GABRA3: variants seen among roughly 807,000 people sequenced by gnomAD.
The protein encoded by GABRA3 is gamma-aminobutyric acid type A receptor subunit alpha3, also known as gamma-aminobutyric acid receptor subunit alpha-3.
A neutral mutation model predicts 30.1 loss-of-function variants in GABRA3; 10 were observed. That is an observed-to-expected ratio of 0.33 (90% confidence interval 0.20 to 0.56). The LOEUF is 0.56. GABRA3 is among the 20% of genes least tolerant of loss of function. GABRA3 has a pLI of 0.89. For missense variants in GABRA3, 233 were observed against 392.0 expected (o/e 0.59, Z 3.42); for synonymous variants, 151 against 146.8 (o/e 1.03, Z -0.21).
chrX:152,294,379 T>C (rs1347933035), intron 3 of GABRA3, among the ~76,000 whole-genome samples: 2 of 111,303 alleles, frequency 1.8e-5, no homozygotes, highest in African/African-American at 6.5e-5. Context: ...ATTAATTTGA[T>C]CTTCAATCAC....
Position 152,189,842 on chromosome X carries a change from A to T in GABRA3, c.1031T>A (p.Val344Asp). The change falls in exon 9 of 10, where the codon GTC becomes GAC. Residue 344 changes from valine to aspartate, a missense_variant. Transcript: ENST00000370314. Reference protein sequence around the residue: ...YATAMDWFIAVCYAFVFSALI... With the variant: ...YATAMDWFIADCYAFVFSALI... ...TGCAGAAAATACAAAGGCATAACAG[A>T]CGGCTATGAACCAGTCCATGGCCGT... The T allele has an allele frequency of 8.3e-7, 1 of 1,207,954 alleles. No individual in the cohort carries two copies. The highest frequency in any genetic ancestry group is 1.1e-6 in the Non-Finnish European group (1 of 892,828).
intron 3 of GABRA3, among the ~76,000 whole-genome samples, chrX:152,299,868 G>T (rs1011120283): frequency 3.6e-5 from 4 of 111,652 alleles, no homozygotes; most frequent in African/African-American, 1.3e-4. Flanking sequence ...TCTTTTACAG[G>T]TTTGCTCCAA....
intron 5 of GABRA3, among the ~76,000 whole-genome samples, chrX:152,253,920 C>T (rs1938596039): frequency 9.0e-6 from 1 of 111,602 alleles, no homozygotes; most frequent in African/African-American, 3.2e-5. Context: ...CTAGCTGTTG[C>T]CTTATCCAGG....
At chrX:152,254,135 T>A (rs936205266) in intron 5 of GABRA3, among the ~76,000 whole-genome samples, 4 of 111,814 alleles carry the variant, frequency 3.6e-5, no homozygotes, top group Non-Finnish European at 7.5e-5. Context: ...TAGGGTCATG[T>A]ATATATTAGG....
At chrX:152,276,056 T>C (rs1446440164) in intron 4 of GABRA3, among the ~76,000 whole-genome samples, 15 of 110,463 alleles carry the variant, frequency 1.4e-4, no homozygotes, top group Admixed American at 2.9e-4. Context: ...ATTCATGCAA[T>C]CATCTTAATA....
At chrX:152,178,327 C>G (rs931792912) in intron 9 of GABRA3, among the ~76,000 whole-genome samples, 10 of 110,571 alleles carry the variant, frequency 9.0e-5, no homozygotes, top group African/African-American at 2.3e-4. Flanking sequence ...CTTATACCTA[C>G]TGCAGAGCAA....
In GABRA3 at chrX:152,166,618, G is replaced by A. The variant is rs1391204187; in HGVS notation, c.*1610C>T. On this transcript the variant is annotated 3_prime_UTR_variant, in exon 10 of 10. Coordinates refer to ENST00000370314, the MANE Select transcript of GABRA3 (RefSeq NM_000808.4). ...TCTGTGGCTTTACCCTGGGCTTCTA[G>A]GATACTCTGGACTAGTGCAGGTATT... 1 of 111,067 alleles carries A rather than the reference G, an allele frequency of 9.0e-6. No homozygotes were observed. The highest frequency in any genetic ancestry group is 1.9e-5 in the Non-Finnish European group (1 of 53,043). The allele number at this position is 111,067 out of a possible 1,213,427, so 9.2% of individuals were successfully genotyped here. A position where few individuals can be genotyped will look rare whatever the true frequency, so the allele number is the denominator to read the frequency against.
intron 6 of GABRA3, among the ~76,000 whole-genome samples, chrX:152,212,148 G>A (rs1364979448): frequency 9.4e-6 from 1 of 106,766 alleles, no homozygotes; most frequent in Admixed American, 1.0e-4. Flanking sequence ...GCTGGGCATG[G>A]TGGCACATGC....
At chrX:152,174,360 C>T (rs1372073167) in intron 9 of GABRA3, among the ~76,000 whole-genome samples, 6 of 111,822 alleles carry the variant, frequency 5.4e-5, no homozygotes, top group Non-Finnish European at 7.5e-5. Flanking sequence ...CCTGAGGAAT[C>T]GCCACACTGA....
At chrX:152,415,254 G>C (rs1399632130) in intron 1 of GABRA3, among the ~76,000 whole-genome samples, 1 of 111,416 alleles carries the variant, frequency 9.0e-6, no homozygotes, top group Non-Finnish European at 1.9e-5. Context: ...CTCAGAGGGA[G>C]AGGAAGAAAA....
chrX:152,225,142 A>G (rs1001901913), intron 5 of GABRA3, among the ~76,000 whole-genome samples: 4 of 109,692 alleles, frequency 3.6e-5, no homozygotes, highest in Non-Finnish European at 7.6e-5. Flanking sequence ...CCCCCCCAAG[A>G]AGCCTGGAAA....
At chrX:152,232,506 C>T (rs958088260) in intron 5 of GABRA3, among the ~76,000 whole-genome samples, 8 of 109,965 alleles carry the variant, frequency 7.3e-5, no homozygotes, top group African/African-American at 2.6e-4. Context: ...TAAACGATAA[C>T]ATGCAGTATT....
intron 4 of GABRA3, among the ~76,000 whole-genome samples, chrX:152,276,118 C>A (rs1033158021): frequency 4.5e-5 from 5 of 110,853 alleles, no homozygotes; most frequent in African/African-American, 1.6e-4. Context: ...ATTAAACACA[C>A]ACACACACAC....
chrX:152,403,385 A>C (rs774925709), intron 1 of GABRA3, among the ~76,000 whole-genome samples: 12 of 102,711 alleles, frequency 1.2e-4, no homozygotes, highest in Admixed American at 8.6e-4. Flanking sequence ...ACTTAGAAAT[A>C]TATATAACAA....
intron 3 of GABRA3, among the ~76,000 whole-genome samples, chrX:152,319,061 T>A (rs1027094411): frequency 9.0e-6 from 1 of 111,363 alleles, no homozygotes; most frequent in African/African-American, 3.3e-5. Context: ...TTTGCTAATA[T>A]GATCATATGC....
At chrX:152,337,192 C>T (rs1357296409) in intron 3 of GABRA3, among the ~76,000 whole-genome samples, 1 of 111,807 alleles carries the variant, frequency 8.9e-6, no homozygotes, top group East Asian at 2.8e-4. Flanking sequence ...CTTAGATATG[C>T]GTCTTTTCTT....
In GABRA3 at chrX:152,321,987, C is replaced by T. The variant is rs201153844; in HGVS notation, c.262+23594G>A. Among the ~76,000 whole-genome samples, 10 of 111,757 alleles carry T rather than the reference C, an allele frequency of 8.9e-5. No homozygotes were observed. The East Asian group carries it at 2.2e-3, about 25-fold the overall frequency. On this transcript the variant is annotated intron_variant, in intron 3 of 9. Transcript: ENST00000370314. Reference sequence around the variant, plus strand: ...TGCTACATGACCCCACAATTCCACTCCTAGGTATAAAACCTGAAAACAGGT... The same window carrying T: ...TGCTACATGACCCCACAATTCCACTTCTAGGTATAAAACCTGAAAACAGGT...
At chrX:152,221,409 T>G (rs748992739) in intron 6 of GABRA3, among the ~76,000 whole-genome samples, 2 of 111,958 alleles carry the variant, frequency 1.8e-5, no homozygotes, top group African/African-American at 3.2e-5. Context: ...AATAATACCT[T>G]TTCTAAATTA....
intron 2 of GABRA3, among the ~76,000 whole-genome samples, chrX:152,348,405 A>C (rs770545797): frequency 1.8e-5 from 2 of 111,718 alleles, no homozygotes; most frequent in African/African-American, 3.3e-5. Flanking sequence ...TGCACCTCAT[A>C]TTTGCCACTA....
Sources: gnomAD v4.1 joint callset for allele counts (sites outside exome capture counted in the v4.1 genomes callset) on GRCh38, gnomAD v4.1.1 for gene constraint, MANE v1.5 for transcripts, NCBI Gene and HGNC (gene_info 2026-07-23, HGNC 2026-07-21) for gene names.